BCL2L1: variants seen among roughly 807,000 people sequenced by gnomAD.
BCL2L1 encodes the protein bcl-2-like protein 1.
Under a neutral mutation model 18.7 loss-of-function variants are expected in BCL2L1, and 1 was observed. The ratio of observed to expected loss-of-function variants is 0.05; its 90% CI spans 0.02 to 0.25. The LOEUF is 0.25. Among genes scored for constraint, BCL2L1 ranks in the 10% least tolerant of loss-of-function variants. The pLI is 1.00. For synonymous variants in BCL2L1, 103 were observed against 122.7 expected, an observed-to-expected ratio of 0.84 and a Z score of 1.06; for missense variants, 207 against 304.9, an observed-to-expected ratio of 0.68 and a Z score of 2.39.
At chr20:31,723,186 G>GGCCGGAGACCCCCAAAAAAT (rs1305119972), upstream of BCL2L1, 9 of 717,012 alleles carry the variant, frequency 1.3e-5, no homozygotes, top group Non-Finnish European at 1.5e-5. Flanking sequence ...TGATGTTGAA[G>GGCCGGAGACCCCCAAAAAAT]GCCGGAGACC....
intron 2 of BCL2L1, among the ~76,000 whole-genome samples, chr20:31,669,360 C>T (rs892860771): frequency 4.6e-5 from 7 of 151,714 alleles, no homozygotes; most frequent in Admixed American, 4.6e-4. Context: ...TGCCCGGCCT[C>T]ACCACCTCAC....
chr20:31,700,205 T>C (rs570228237), intron 2 of BCL2L1, among the ~76,000 whole-genome samples: 3 of 152,362 alleles, frequency 2.0e-5, no homozygotes, highest in South Asian at 2.1e-4. Flanking sequence ...TGGCACATAG[T>C]TGGTGCTCAA....
intron 2 of BCL2L1, among the ~76,000 whole-genome samples, chr20:31,715,652 A>G (rs1453856764): frequency 6.6e-6 from 1 of 152,194 alleles, no homozygotes; most frequent in Non-Finnish European, 1.5e-5. Flanking sequence ...TGCCACCCCA[A>G]AAATATACTT....
chr20:31,666,374 G>A (rs983533959), intron 2 of BCL2L1, among the ~76,000 whole-genome samples: 11 of 152,130 alleles, frequency 7.2e-5, no homozygotes, highest in Admixed American at 3.3e-4. Context: ...GGAACGAGAT[G>A]GGCAGGGTCA....
At chr20:31,678,096 T>C (rs1169443728) in intron 2 of BCL2L1, among the ~76,000 whole-genome samples, 2 of 152,218 alleles carry the variant, frequency 1.3e-5, no homozygotes, top group Non-Finnish European at 2.9e-5. Context: ...GGGAAAGTTC[T>C]AGAAAAGGCA....
At chr20:31,723,471 C>G (rs1258303662), upstream of BCL2L1, 4 of 985,198 alleles carry the variant, frequency 4.1e-6, no homozygotes, top group Admixed American at 6.1e-5. Flanking sequence ...GGGGCTGCAC[C>G]TCTCCGGAGC....
At chr20:31,666,227 G>A in intron 2 of BCL2L1, 141 bp from the exon 3 acceptor site, 1 of 999,352 alleles carries the variant, frequency 1.0e-6, no homozygotes, top group Non-Finnish European at 1.5e-6. Flanking sequence ...CCAGGTAAAG[G>A]GCTAAGGGTG....
At chr20:31,707,397 A>G (rs1230568098) in intron 2 of BCL2L1, among the ~76,000 whole-genome samples, 1 of 152,250 alleles carries the variant, frequency 6.6e-6, no homozygotes, top group African/African-American at 2.4e-5. Flanking sequence ...GTAGCTTGTT[A>G]TACTAAGTAA....
intron 2 of BCL2L1, among the ~76,000 whole-genome samples, chr20:31,718,910 G>GTCTA (rs1338183421): frequency 1.3e-5 from 2 of 152,356 alleles, no homozygotes; most frequent in Non-Finnish European, 1.5e-5. Context: ...GGGCCAGCAT[G>GTCTA]TCTAGGTCAC....
In BCL2L1 at chr20:31,666,648, G is replaced by A. The variant is rs368367047; in HGVS notation, c.565-562C>T. ...AATTCAGGGGTAGAATGGGTCCTGG[G>A]ACTTCAGCCAGAGGCTCCTCCCTCT... On this transcript the variant is annotated intron_variant, in intron 2 of 2. Transcript: ENST00000307677. Among the ~76,000 whole-genome samples, 25 of 152,146 alleles carry A rather than the reference G, an allele frequency of 1.6e-4. No homozygotes were observed. In the East Asian group the frequency reaches 4.3e-3, roughly 26 times the overall value.
chr20:31,716,202 T>C (rs924924215), intron 2 of BCL2L1, among the ~76,000 whole-genome samples: 1 of 152,218 alleles, frequency 6.6e-6, no homozygotes, highest in Non-Finnish European at 1.5e-5. Context: ...TCTATGTCAA[T>C]TTAATTCTCA....
chr20:31,688,066 G>T (rs957527099), intron 2 of BCL2L1, among the ~76,000 whole-genome samples: 16 of 152,086 alleles, frequency 1.1e-4, no homozygotes, highest in African/African-American at 3.1e-4. Context: ...TAATGTGCTG[G>T]TGCCTGGCAA....
At chr20:31,723,673 G>A (rs1036931533), upstream of BCL2L1, 8 of 985,454 alleles carry the variant, frequency 8.1e-6, no homozygotes, top group African/African-American at 3.5e-5. Flanking sequence ...CACGGAAGCG[G>A]GACGGCGAAG....
rs1005008072 is a variant in BCL2L1, at chr20:31,713,516, C to T, written c.564+8139G>A. ...CATTTCCTGAAGAGCTGGAGAAAAA[C>T]CTCCAGTTCCGAGGGGAGCACTGGA... On this transcript the variant is annotated intron_variant, in intron 2 of 2. Transcript: ENST00000307677. 2.5e-5 allele frequency: 25 copies of T among 985,224 alleles called. No homozygotes were observed. In the African/African-American group the frequency reaches 3.5e-4, roughly 14 times the overall value. 61.0% of individuals were successfully genotyped at this position (985,224 alleles called of 1,614,324 possible). A position where few individuals can be genotyped will look rare whatever the true frequency, so the allele number is the denominator to read the frequency against.
chr20:31,708,059 C>A (rs2061397544), intron 2 of BCL2L1, among the ~76,000 whole-genome samples: 2 of 152,182 alleles, frequency 1.3e-5, no homozygotes, highest in African/African-American at 4.8e-5. Flanking sequence ...GTCTTCCTAA[C>A]CTCTTTCCAT....
intron 2 of BCL2L1, among the ~76,000 whole-genome samples, chr20:31,698,900 T>C (rs1229694911): frequency 1.3e-5 from 2 of 152,108 alleles, no homozygotes; most frequent in Non-Finnish European, 2.9e-5. Flanking sequence ...AATAGTGTGG[T>C]GGCTGGTCTG....
chr20:31,721,872 G>A lies in BCL2L1; in HGVS notation c.347C>T (p.Pro116Leu), dbSNP rs771436075. 6.2e-7 allele frequency: 1 copy of A among 1,614,240 alleles called. No homozygotes were observed. Among genetic ancestry groups the A allele is most frequent in the East Asian group, 2.2e-5 (1 of 44,892 alleles). Reference protein sequence around the residue: ...SDLTSQLHITPGTAYQSFEQV... With the variant: ...SDLTSQLHITLGTAYQSFEQV... ...TTCAAAGCTCTGATATGCTGTCCCT[G>A]GGGTGATGTGGAGCTGGGATGTCAG... Residue 116 changes from proline (P) to leucine (L), a missense_variant, in exon 2 of 3, where the codon CCA becomes CTA. Physicochemically the swap from Pro to Leu is moderately conservative, Grantham distance 98. Coordinates refer to ENST00000307677, the MANE Select transcript of BCL2L1 (RefSeq NM_138578.3).
rs536243459 is a variant in BCL2L1 at position 31,665,840 on chromosome 20, T to C, written c.*109A>G. 5 of 1,427,068 alleles carry C rather than the reference T, an allele frequency of 3.5e-6. No homozygotes were observed. The highest frequency in any genetic ancestry group is 4.8e-6 in the Non-Finnish European group (5 of 1,045,516). 88.4% of individuals were successfully genotyped at this position (1,427,068 alleles called of 1,614,324 possible). A position where few individuals can be genotyped will look rare whatever the true frequency, so the allele number is the denominator to read the frequency against. On this transcript the variant is annotated 3_prime_UTR_variant, in exon 3 of 3. Coordinates refer to ENST00000307677, the MANE Select transcript of BCL2L1 (RefSeq NM_138578.3). The stretch of plus-strand genomic sequence containing the variant: ...TGGGCCCAACCCTGTGATGGGCAGG[T>C]GGGCATGGGCTGCATGTAGTGGTTC...
intron 2 of BCL2L1, among the ~76,000 whole-genome samples, chr20:31,705,581 G>C (rs1311415356): frequency 6.6e-6 from 1 of 152,178 alleles, no homozygotes; most frequent in Non-Finnish European, 1.5e-5. Flanking sequence ...GGGAGCTATG[G>C]TTATTATGTC....
Sources: gnomAD v4.1 joint callset for allele counts (sites outside exome capture counted in the v4.1 genomes callset) on GRCh38, gnomAD v4.1.1 for gene constraint, MANE v1.5 for transcripts, NCBI Gene and HGNC (gene_info 2026-07-23, HGNC 2026-07-21) for gene names.